AGO2: variants seen among roughly 807,000 people sequenced by gnomAD.
AGO2 encodes argonaute RISC catalytic component 2.
In AGO2, 5 loss-of-function variants were observed where a neutral mutation model predicts 102.3. The ratio of observed to expected loss-of-function variants is 0.05; its 90% confidence interval spans 0.03 to 0.10. The LOEUF is 0.10. Among genes scored for constraint, AGO2 ranks in the 10% least tolerant of loss-of-function variants. AGO2 has a pLI of 1.00. For synonymous variants in AGO2, 449 were observed against 473.1 expected, an observed-to-expected ratio of 0.95 and a Z score of 0.66; for missense variants, 541 against 1,183.7, an observed-to-expected ratio of 0.46 and a Z score of 7.97.
intron 17 of AGO2, 22 bp downstream of exon 17, chr8:140,535,446 C>T (rs778888186): frequency 9.9e-6 from 16 of 1,611,042 alleles, no homozygotes; most frequent in Admixed American, 1.7e-5. Context: ...AGACTCTGTC[C>T]GAAGGGGACT....
chr8:140,533,022 T>G (rs1162306722), intron 17 of AGO2, among the ~76,000 whole-genome samples: 2 of 144,404 alleles, frequency 1.4e-5, no homozygotes, highest in Non-Finnish European at 3.0e-5. Context: ...AAAAGCATCA[T>G]AACTACATAT....
rs1160699111 is a variant in AGO2 at position 140,557,991 on chromosome 8, T to G, written c.878+494A>C. ...ACGAACCCTACCGGCCTGGGAGACA[T>G]TAACTGGGGCACAGGGGCCAAATCT... is the stretch of plus-strand genomic sequence containing the variant. On this transcript the variant is annotated intron_variant, in intron 7 of 18. Coordinates refer to ENST00000220592, the MANE Select transcript of AGO2 (RefSeq NM_012154.5). This position sits in a 1 kb window ranked among gnomAD's most constrained non-coding sequence, Gnocchi z 5.9. Among the ~76,000 whole-genome samples the G allele has an allele frequency of 1.3e-5, 2 of 152,056 alleles. No homozygotes were observed. The highest frequency in any genetic ancestry group is 2.9e-5 in the Non-Finnish European group (2 of 67,984).
At position 140,627,261 on chromosome 8, in the gene AGO2, G is replaced by C. The variant is rs73364325; in HGVS notation, c.22+8224C>G. The stretch of plus-strand genomic sequence containing the variant: ...TCGAGTCCTCCAACCGTCGGAACAA[G>C]AGTGCTGATGCAAACTCCTCCAACA... On this transcript the variant is annotated intron_variant, in intron 1 of 18. Transcript: ENST00000220592. Among the ~76,000 whole-genome samples the C allele has an allele frequency of 3.3e-3, 510 of 152,368 alleles. 5 individuals are homozygous for C. Among genetic ancestry groups the C allele is most frequent in the Middle Eastern group, 0.024 (7 of 294 alleles).
intron 2 of AGO2, among the ~76,000 whole-genome samples, chr8:140,573,412 C>G (rs946065294): frequency 6.6e-6 from 1 of 152,056 alleles, no homozygotes; most frequent in African/African-American, 2.4e-5. Flanking sequence ...CTCCCAACCT[C>G]AAGTGATCCA....
Position 140,541,314 on chromosome 8 carries a change from G to A in AGO2, c.1884C>T (p.Thr628=), listed in dbSNP as rs537259446. The A allele has an allele frequency of 8.1e-6, 13 of 1,612,772 alleles. No individual in the cohort carries two copies. The highest frequency in any genetic ancestry group is 2.2e-5 in the East Asian group (1 of 44,864). ...CCTGCCGGTGCTGCTGCACGCGCACGGTGGCGCAGTAGCGATTGGGGTGGG... is the reference window on the plus strand; with the variant it reads ...CCTGCCGGTGCTGCTGCACGCGCACAGTGGCGCAGTAGCGATTGGGGTGGG... ...MDAHPNRYCA[T]VRVQQHRQEI... The change falls in exon 15 of 19, where the codon ACC becomes ACT. Residue 628 remains threonine (T), a synonymous_variant. Coordinates refer to ENST00000220592, the MANE Select transcript of AGO2 (RefSeq NM_012154.5).
chr8:140,522,395 T>C lies in AGO2; in HGVS notation c.*9649A>G, dbSNP rs1417990029. The C allele has an allele frequency of 6.6e-6, 1 of 151,770 alleles. No individual in the cohort carries two copies. Among genetic ancestry groups the C allele is most frequent in the Non-Finnish European group, 1.5e-5 (1 of 67,986 alleles). 9.4% of individuals were successfully genotyped at this position (151,770 alleles called of 1,614,324 possible). A position where few individuals can be genotyped will look rare whatever the true frequency, so the allele number is the denominator to read the frequency against. On this transcript the variant is annotated 3_prime_UTR_variant, in exon 19 of 19. Transcript: ENST00000220592. Reference sequence around the variant, plus strand: ...TATGATACTTTTATAAAAACAAAAATCCATTTAAATCATATGCAGAAGCGA... The same window carrying C: ...TATGATACTTTTATAAAAACAAAAACCCATTTAAATCATATGCAGAAGCGA...
chr8:140,630,160 G>C (rs534650878), intron 1 of AGO2, among the ~76,000 whole-genome samples: 60 of 152,320 alleles, frequency 3.9e-4, no homozygotes, highest in African/African-American at 1.4e-3. Flanking sequence ...GCCATCAGGG[G>C]TGAACCAAGT....
chr8:140,553,740 C>T (rs1471166737), intron 10 of AGO2, among the ~76,000 whole-genome samples: 1 of 151,286 alleles, frequency 6.6e-6, no homozygotes, highest in African/African-American at 2.4e-5. Flanking sequence ...ACTCTGTTGC[C>T]CAGGCTGGAG....
chr8:140,635,249 G>A (rs2074391474), intron 1 of AGO2, among the ~76,000 whole-genome samples: 1 of 146,196 alleles, frequency 6.8e-6, no homozygotes, highest in South Asian at 2.1e-4. Flanking sequence ...CGACTCGCGG[G>A]GGCCGAGGAG....
At chr8:140,626,344 C>T (rs1054127094) in intron 1 of AGO2, 26 of 152,108 alleles carry the variant, frequency 1.7e-4, no homozygotes, top group African/African-American at 5.8e-4. Context: ...GTTTTCTTAT[C>T]CCTCCCTGCT....
intron 3 of AGO2, among the ~76,000 whole-genome samples, chr8:140,564,290 G>A (rs1185999436): frequency 6.6e-6 from 1 of 151,980 alleles, no homozygotes; most frequent in Non-Finnish European, 1.5e-5. Flanking sequence ...ACAGCGGAGG[G>A]GGTGGCGGTG....
intron 3 of AGO2, among the ~76,000 whole-genome samples, chr8:140,568,208 T>C (rs574395690): frequency 6.9e-6 from 1 of 145,306 alleles, no homozygotes; most frequent in African/African-American, 2.6e-5. Context: ...CACTTGAGCC[T>C]GGGAGGTGGA....
chr8:140,604,805 C>T (rs187929756), intron 1 of AGO2, among the ~76,000 whole-genome samples: 20 of 148,190 alleles, frequency 1.3e-4, no homozygotes, highest in African/African-American at 4.2e-4. Flanking sequence ...CCAGCCTGGG[C>T]GACAGAGCGA....
In AGO2 at chr8:140,597,466, GC is replaced by G. The variant is rs201167667; in HGVS notation, c.23-12156del. On this transcript the variant is annotated intron_variant, in intron 1 of 18. Transcript: ENST00000220592. Reference sequence around the variant, plus strand: ...CACGGACACCGATGGGGGCTGGGTGGCCCCCCCACCCCCCCCCCCCCGCCCC... The same window carrying G: ...CACGGACACCGATGGGGGCTGGGTGGCCCCCCACCCCCCCCCCCCCGCCCC... Among the ~76,000 whole-genome samples the G allele has an allele frequency of 1.9e-4, 9 of 48,424 alleles. 3 individuals carry two copies. Among genetic ancestry groups the G allele is most frequent in the Admixed American group, 1.0e-3 (5 of 4,850 alleles). The allele number at this position is 48,424 out of a possible 152,430, so 31.8% of individuals were successfully genotyped here. A position where few individuals can be genotyped will look rare whatever the true frequency, so the allele number is the denominator to read the frequency against.
intron 1 of AGO2, among the ~76,000 whole-genome samples, chr8:140,593,737 C>T (rs1202869588): frequency 6.6e-6 from 1 of 152,036 alleles, no homozygotes; most frequent in Non-Finnish European, 1.5e-5. Flanking sequence ...GGCAAATCAG[C>T]TCCTTTAATC....
rs1041936936 is a variant in AGO2, at chr8:140,557,660, C to T, written c.879-424G>A. Among the ~76,000 whole-genome samples the T allele has an allele frequency of 4.6e-5, 7 of 152,182 alleles. No homozygotes were observed. Among genetic ancestry groups the T allele is most frequent in the Non-Finnish European group, 8.8e-5 (6 of 68,036 alleles). On this transcript the variant is annotated intron_variant, in intron 7 of 18. Transcript: ENST00000220592. The surrounding 1 kb of genome is among the most constrained non-coding windows in gnomAD (Gnocchi z 5.9). ...GAAAGCAGGCCAGGCCGGTTCCGGC[C>T]GCACGGTGACGGCAGGAGACGCCTG...
rs150148694 is a variant in AGO2, at chr8:140,558,553, C to T, written c.810G>A (p.Thr270=). ...ACTTCCTCTTCATCTGCCCACAGTG[C>T]GTTATCTCCACCTTTAGACCTGGGG... The part of the protein sequence containing the change: ...KEIKGLKVEI[T]HCGQMKRKYR... The change falls in exon 7 of 19, where the codon ACG becomes ACA. Residue 270 remains threonine (T), a synonymous_variant. Coordinates refer to ENST00000220592, the MANE Select transcript of AGO2 (RefSeq NM_012154.5). 6.2e-6 allele frequency: 10 copies of T among 1,614,228 alleles called. No homozygotes were observed. The highest frequency in any genetic ancestry group is 1.1e-5 in the South Asian group (1 of 91,088).
Position 140,600,254 on chromosome 8 carries a change from A to C in AGO2, c.23-14943T>G, listed in dbSNP as rs1422613571. On this transcript the variant is annotated intron_variant, in intron 1 of 18. Transcript: ENST00000220592. The stretch of plus-strand genomic sequence containing the variant: ...AGGCACAAAAGTGGGACATGTATGA[A>C]GTCTACTCGAAAGATGTGTCCTTTA... Among the ~76,000 whole-genome samples the C allele has an allele frequency of 2.0e-5, 3 of 152,270 alleles. No individual in the cohort carries two copies. In the East Asian group the frequency reaches 5.8e-4, roughly 29 times the overall value.
intron 10 of AGO2, among the ~76,000 whole-genome samples, chr8:140,552,257 G>A (rs559009280): frequency 6.6e-6 from 1 of 152,338 alleles, no homozygotes; most frequent in Admixed American, 6.5e-5. Flanking sequence ...TCGGAAACGG[G>A]AGCTACTTCC....
Sources: allele counts gnomAD v4.1 joint callset (sites outside exome capture counted in the v4.1 genomes callset), GRCh38; gene constraint gnomAD v4.1.1; non-coding constraint Gnocchi (gnomAD v3.1); transcripts MANE v1.5; gene names NCBI Gene and HGNC (gene_info 2026-07-23, HGNC 2026-07-21).